The following LGSN variants were observed in gnomAD, a reference collection of about 807,000 sequenced individuals.
LGSN encodes lengsin, lens protein with glutamine synthetase domain, also known as lengsin.
Under a neutral mutation model 19.5 loss-of-function variants are expected in LGSN, and 21 were observed. The ratio of observed to expected loss-of-function variants is 1.07; its 90% CI spans 0.76 to 1.55. The LOEUF is 1.55. LGSN is among the 40% of genes most tolerant of loss of function. The probability of loss-of-function intolerance (pLI) is 0.00; values close to 1 mark genes in which losing one functional copy is unlikely to be tolerated. For missense variants in LGSN, 673 were observed against 608.5 expected (o/e 1.11, Z -1.12); for synonymous variants, 257 against 215.6 (o/e 1.19, Z -1.68).
the LGSN span, among the ~76,000 whole-genome samples, chr6:63,341,512 G>T: frequency 6.6e-6 from 1 of 152,160 alleles, no homozygotes; most frequent in Non-Finnish European, 1.5e-5. Flanking sequence ...GCCCCAGGAA[G>T]GTAGCTCCCA....
chr6:63,553,483 G>T, the LGSN span, among the ~76,000 whole-genome samples: 1 of 152,146 alleles, frequency 6.6e-6, no homozygotes, highest in Admixed American at 6.5e-5. Flanking sequence ...AGTTCTTCTT[G>T]GCCAAGACAG....
the LGSN span, among the ~76,000 whole-genome samples, chr6:63,522,215 A>G: frequency 6.6e-6 from 1 of 152,148 alleles, no homozygotes; most frequent in African/African-American, 2.4e-5. Context: ...TCTCCAAAGT[A>G]TTTTAAGGGC....
the LGSN span, among the ~76,000 whole-genome samples, chr6:63,567,947 A>G: frequency 6.6e-6 from 1 of 152,218 alleles, no homozygotes; most frequent in Non-Finnish European, 1.5e-5. Flanking sequence ...CACCTCTGCT[A>G]TCTTCAGACT....
At chr6:63,380,696 T>C in the LGSN span, among the ~76,000 whole-genome samples, 3 of 152,232 alleles carry the variant, frequency 2.0e-5, no homozygotes, top group African/African-American at 7.2e-5. Context: ...TTTCTTTTTT[T>C]CCTAAATTTT....
At chr6:63,483,371 T>A in the LGSN span, among the ~76,000 whole-genome samples, 1 of 38,800 alleles carries the variant, frequency 2.6e-5, no homozygotes, top group South Asian at 7.5e-4. Flanking sequence ...GGAAGCTCTT[T>A]TTTTTTTTTT....
At chr6:63,508,584 G>A in the LGSN span, among the ~76,000 whole-genome samples, 1 of 152,048 alleles carries the variant, frequency 6.6e-6, no homozygotes, top group Non-Finnish European at 1.5e-5. Flanking sequence ...AAGTCATTAG[G>A]GTAATTCACT....
At chr6:63,441,845 GT>G in the LGSN span, 1 of 295,828 alleles carries the variant, frequency 3.4e-6, no homozygotes, top group East Asian at 1.0e-4. Context: ...GGGGGCGCTG[GT>G]TGCTTGTCAG....
rs768658077 is a variant in LGSN, at chr6:63,285,690, A to G, written c.227T>C (p.Ile76Thr). 3.1e-6 allele frequency: 5 copies of G among 1,614,054 alleles called. No individual in the cohort carries two copies. The highest frequency in any genetic ancestry group is 4.2e-6 in the Non-Finnish European group (5 of 1,179,966). ...GCGATTTTTGGCCATGGCTTGTCTA[A>G]TGTGTTTCATTCTAGAAGAGAGTTG... ...PPQLSSRMKH[I>T]RQAMAKNRLQ... Residue 76 changes from isoleucine (I) to threonine (T), a missense_variant, in exon 3 of 4, where the codon ATT becomes ACT. By Grantham distance (89) the Ile-to-Thr change is moderately conservative (BLOSUM62 -1). Transcript: ENST00000370657.
chr6:63,379,357 C>T, the LGSN span, among the ~76,000 whole-genome samples: 7 of 152,120 alleles, frequency 4.6e-5, no homozygotes, highest in Admixed American at 3.3e-4. Flanking sequence ...CCTTTCATTC[C>T]TTCTAGACAC....
At chr6:63,365,459 A>G in the LGSN span, among the ~76,000 whole-genome samples, 451 of 118,498 alleles carry the variant, frequency 3.8e-3, 3 homozygotes, top group African/African-American at 0.024. Flanking sequence ...CCTACCAACC[A>G]AAAAAAGTCC....
chr6:63,461,490 T>A, the LGSN span, among the ~76,000 whole-genome samples: 3 of 152,354 alleles, frequency 2.0e-5, no homozygotes, highest in Non-Finnish European at 2.9e-5. Context: ...ACCAAGCCCT[T>A]GCACATCAAC....
chr6:63,410,900 T>G, the LGSN span, among the ~76,000 whole-genome samples: 17,390 of 152,106 alleles, frequency 0.11, 1,980 homozygotes, highest in African/African-American at 0.3. Flanking sequence ...CTTCCTCAGG[T>G]CAAAACCAGT....
At chr6:63,357,119 C>A in the LGSN span, among the ~76,000 whole-genome samples, 3 of 151,860 alleles carry the variant, frequency 2.0e-5, no homozygotes, top group Non-Finnish European at 4.4e-5. Context: ...GCTGAGAATG[C>A]TGGTTTCCAG....
chr6:63,291,267 G>GA (rs1372835375), intron 2 of LGSN, among the ~76,000 whole-genome samples: 2 of 152,162 alleles, frequency 1.3e-5, no homozygotes, highest in Admixed American at 6.5e-5. Flanking sequence ...CAGCTCAGTG[G>GA]AAATTCCGGG....
the LGSN span, among the ~76,000 whole-genome samples, chr6:63,547,498 A>ATTTT: frequency 1.1e-5 from 1 of 90,788 alleles, no homozygotes; most frequent in Non-Finnish European, 2.2e-5. Flanking sequence ...CCAGGGGGGA[A>ATTTT]TTTTTTTTTT....
the LGSN span, among the ~76,000 whole-genome samples, chr6:63,523,522 A>T: frequency 6.6e-6 from 1 of 152,126 alleles, no homozygotes. Context: ...AAAATAAATA[A>T]ATAAATAAAT....
In LGSN at chr6:63,276,714, T is replaced by C. The variant is rs559740443; in HGVS notation, c.*3307A>G. The C allele has an allele frequency of 5.3e-5, 8 of 152,344 alleles. No individual in the cohort carries two copies. The highest frequency in any genetic ancestry group is 1.7e-4 in the African/African-American group (7 of 41,584). The allele number at this position is 152,344 out of a possible 1,614,324, so 9.4% of individuals were successfully genotyped here. On this transcript the variant is annotated 3_prime_UTR_variant, in exon 4 of 4. Transcript: ENST00000370657. ...TCATCTTTGTTTTGGTCTCCCCTAG[T>C]ATGATGGCTCCCAGCTGAAGGCTTA...
the LGSN span, among the ~76,000 whole-genome samples, chr6:63,459,071 G>T: frequency 6.6e-6 from 1 of 152,112 alleles, no homozygotes; most frequent in African/African-American, 2.4e-5. Context: ...CTTTACATAA[G>T]ATTTTACCTG....
the LGSN span, among the ~76,000 whole-genome samples, chr6:63,546,947 A>T: frequency 6.6e-6 from 1 of 152,186 alleles, no homozygotes; most frequent in Admixed American, 6.5e-5. Flanking sequence ...CCATAAATAT[A>T]TTTAATTTTT....
Sources: gnomAD v4.1 joint callset for allele counts (sites outside exome capture counted in the v4.1 genomes callset) on GRCh38, gnomAD v4.1.1 for gene constraint, MANE v1.5 for transcripts, NCBI Gene and HGNC (gene_info 2026-07-23, HGNC 2026-07-21) for gene names.